The following CLASP2 variants were observed in gnomAD, a reference collection of about 807,000 sequenced individuals.
The protein encoded by CLASP2 is cytoplasmic linker associated protein 2.
A neutral mutation model predicts 194.4 loss-of-function variants in CLASP2; 47 were observed. That is an observed-to-expected ratio of 0.24 (90% CI 0.19 to 0.31). CLASP2 has a LOEUF of 0.31. CLASP2 is among the 10% of genes least tolerant of loss of function. CLASP2 has a pLI of 1.00. For missense variants in CLASP2, 1,445 were observed against 1,823.6 expected (o/e 0.79, Z 3.78); for synonymous variants, 619 against 633.5 (o/e 0.98, Z 0.34).
chr3:33,649,550 G>A (rs759614903), intron 7 of CLASP2, among the ~76,000 whole-genome samples: 4 of 152,090 alleles, frequency 2.6e-5, no homozygotes, highest in East Asian at 1.9e-4. Flanking sequence ...ATTTTTATAC[G>A]TAATAAAAGC....
At chr3:33,545,069 T>C (rs1405666266) in intron 30 of CLASP2, 1 of 342,536 alleles carries the variant, frequency 2.9e-6, no homozygotes, top group East Asian at 4.9e-5. Context: ...GCATAACAAA[T>C]ATGACCTAAC....
chr3:33,616,973 G>A (rs571069611), intron 12 of CLASP2, among the ~76,000 whole-genome samples: 1 of 149,582 alleles, frequency 6.7e-6, no homozygotes, highest in African/African-American at 2.4e-5. Flanking sequence ...TCCTGTGATC[G>A]ACCTGCCTCA....
chr3:33,637,100 G>T (rs2080295606), intron 8 of CLASP2, among the ~76,000 whole-genome samples: 1 of 152,106 alleles, frequency 6.6e-6, no homozygotes, highest in Admixed American at 6.5e-5. Flanking sequence ...GAAAATAAAA[G>T]AGCTACAGAA....
intron 32 of CLASP2, among the ~76,000 whole-genome samples, chr3:33,542,610 T>C (rs1307561028): frequency 6.7e-6 from 1 of 150,348 alleles, no homozygotes; most frequent in African/African-American, 2.4e-5. Context: ...ATATTTATGA[T>C]ATATGACATG....
intron 34 of CLASP2, among the ~76,000 whole-genome samples, chr3:33,529,118 G>A (rs1006799555): frequency 5.3e-5 from 8 of 152,116 alleles, no homozygotes; most frequent in African/African-American, 1.9e-4. Flanking sequence ...GCTAACCAGA[G>A]AAGTGAAAGA....
intron 6 of CLASP2, among the ~76,000 whole-genome samples, chr3:33,672,405 G>T (rs376040737): frequency 4.6e-5 from 7 of 152,078 alleles, no homozygotes; most frequent in South Asian, 2.1e-4. Context: ...GAAGGAAAAC[G>T]AACAAACAGA....
In CLASP2 at chr3:33,497,842, A is replaced by G. The variant is rs990041075; in HGVS notation, c.*789T>C. ...AAAAAGCATCATTCACAACAAAGAT[A>G]TAAACAAACCAAAATAAACCCTGCA... On this transcript the variant is annotated 3_prime_UTR_variant, in exon 39 of 39. Transcript: ENST00000682230. The G allele has an allele frequency of 6.6e-6, 1 of 152,656 alleles. No individual in the cohort carries two copies. The highest frequency in any genetic ancestry group is 2.4e-5 in the African/African-American group (1 of 41,472). 9.5% of individuals were successfully genotyped at this position (152,656 alleles called of 1,614,324 possible). A position where few individuals can be genotyped will look rare whatever the true frequency, so the allele number is the denominator to read the frequency against.
At chr3:33,499,628 T>C (rs4679038) in intron 38 of CLASP2, among the ~76,000 whole-genome samples, 58,663 of 151,664 alleles carry the variant, frequency 0.39, 11,562 homozygotes, top group Admixed American at 0.5. Flanking sequence ...GGATTACAGT[T>C]GTGAGCCATC....
chr3:33,618,911 C>T (rs529327771), intron 12 of CLASP2, among the ~76,000 whole-genome samples: 11 of 152,224 alleles, frequency 7.2e-5, no homozygotes, highest in African/African-American at 1.9e-4. Context: ...GATGGGGATA[C>T]GTTCTGAGAA....
intron 2 of CLASP2, among the ~76,000 whole-genome samples, chr3:33,695,705 C>T (rs1428480360): frequency 6.6e-6 from 1 of 151,920 alleles, no homozygotes; most frequent in African/African-American, 2.4e-5. Context: ...TTTGGGAGGC[C>T]GAGGTGAGAG....
chr3:33,709,257 TCC>T (rs1306606958), intron 1 of CLASP2, among the ~76,000 whole-genome samples: 2 of 152,224 alleles, frequency 1.3e-5, no homozygotes, highest in Non-Finnish European at 2.9e-5. Flanking sequence ...AAGTCTTTAA[TCC>T]ATTTTGAGGT....
intron 7 of CLASP2, among the ~76,000 whole-genome samples, chr3:33,656,515 C>T (rs925398611): frequency 6.6e-6 from 1 of 152,140 alleles, no homozygotes; most frequent in Non-Finnish European, 1.5e-5. Flanking sequence ...GGACAGCAGA[C>T]ACTACTGGTG....
intron 6 of CLASP2, among the ~76,000 whole-genome samples, chr3:33,671,240 A>G (rs1416024948): frequency 6.6e-6 from 1 of 152,232 alleles, no homozygotes; most frequent in African/African-American, 2.4e-5. Context: ...TCACAGGACT[A>G]CAGAACACTT....
Position 33,610,178 on chromosome 3 carries a change from T to C in CLASP2, c.1389-1552A>G, listed in dbSNP as rs568677844. Among the ~76,000 whole-genome samples, 34 of 152,356 alleles carry C rather than the reference T, an allele frequency of 2.2e-4. 1 individual carries two copies. The South Asian group carries it at 5.2e-3, about 23-fold the overall frequency. On this transcript the variant is annotated intron_variant, in intron 13 of 38. Coordinates refer to ENST00000682230, the MANE Select transcript of CLASP2 (RefSeq NM_001365631.1). ...CTAATTAAACAATGCTTTTCATTGT[T>C]TCTTCTCAATCACTTTCATAGCTGG...
intron 34 of CLASP2, among the ~76,000 whole-genome samples, chr3:33,528,751 G>A (rs148607282): frequency 8.3e-4 from 126 of 151,982 alleles, no homozygotes; most frequent in Admixed American, 1.6e-3. Context: ...GACAGAGCAA[G>A]ACTGCATCTC....
chr3:33,685,575 A>C (rs2090559224), intron 5 of CLASP2, among the ~76,000 whole-genome samples: 1 of 152,142 alleles, frequency 6.6e-6, no homozygotes, highest in African/African-American at 2.4e-5. Context: ...CCACAGATAA[A>C]TGGATAAACC....
In CLASP2 at chr3:33,588,279, C is replaced by T. The variant is rs190500789; in HGVS notation, c.2069-3359G>A. On this transcript the variant is annotated intron_variant, in intron 21 of 38. Coordinates refer to ENST00000682230, the MANE Select transcript of CLASP2 (RefSeq NM_001365631.1). ...TCCTTCCCCAGTAAAGAGCCACCAA[C>T]GCTAATTATTTCTTTTGGGAAAACC... 3.7e-4 allele frequency among the ~76,000 whole-genome samples: 56 copies of T among 152,182 alleles called. 1 individual carries two copies. In the East Asian group the frequency reaches 0.01, roughly 28 times the overall value.
chr3:33,648,141 C>T (rs4679073), intron 7 of CLASP2, among the ~76,000 whole-genome samples: 28,245 of 151,532 alleles, frequency 0.19, 3,003 homozygotes, highest in Admixed American at 0.32. Context: ...CAAGTGGATA[C>T]GATAGAAAAT....
At chr3:33,499,633 G>C (rs2046387818) in intron 38 of CLASP2, among the ~76,000 whole-genome samples, 1 of 151,646 alleles carries the variant, frequency 6.6e-6, no homozygotes, top group Non-Finnish European at 1.5e-5. Flanking sequence ...ACAGTTGTGA[G>C]CCATCGTACC....
Sources: allele counts gnomAD v4.1 joint callset (sites outside exome capture counted in the v4.1 genomes callset), GRCh38; gene constraint gnomAD v4.1.1; transcripts MANE v1.5; gene names NCBI Gene and HGNC (gene_info 2026-07-23, HGNC 2026-07-21).